FAAH2: variants seen among roughly 807,000 people sequenced by gnomAD.
FAAH2 encodes fatty acid amide hydrolase 2.
FAAH2 carries 60 observed loss-of-function variants against 36.9 expected under a neutral mutation model. The ratio of observed to expected loss-of-function variants is 1.63; its 90% CI spans 1.32 to 2.02. The LOEUF (loss-of-function observed/expected upper bound fraction) is 2.02. Ranked by LOEUF, FAAH2 falls within the 30% of genes most tolerant of loss-of-function variation. The probability of loss-of-function intolerance (pLI) is 0.00; values close to 1 mark genes in which losing one functional copy is unlikely to be tolerated. For synonymous variants in FAAH2, 214 were observed against 143.8 expected, an observed-to-expected ratio of 1.49 and a Z score of -3.49; for missense variants, 689 against 397.5, an observed-to-expected ratio of 1.73 and a Z score of -6.23.
chrX:57,162,656 C>G, the FAAH2 span, among the ~76,000 whole-genome samples: 2 of 112,164 alleles, frequency 1.8e-5, no homozygotes, highest in Admixed American at 9.4e-5. Context: ...ATCGCATCGG[C>G]TCCTGAGGCT....
At chrX:57,371,573 A>G (rs2054551753) in intron 5 of FAAH2, among the ~76,000 whole-genome samples, 2 of 106,991 alleles carry the variant, frequency 1.9e-5, no homozygotes, top group Non-Finnish European at 3.9e-5. Flanking sequence ...TAGGTAGAAC[A>G]ATATTTGGCT....
chrX:57,163,559 C>T, the FAAH2 span, among the ~76,000 whole-genome samples: 4 of 112,015 alleles, frequency 3.6e-5, no homozygotes, highest in East Asian at 5.6e-4. Flanking sequence ...GATATAATCT[C>T]GTGGTGCGCC....
chrX:57,375,171 C>A (rs1323185498), intron 5 of FAAH2, among the ~76,000 whole-genome samples: 1 of 108,918 alleles, frequency 9.2e-6, no homozygotes, highest in Non-Finnish European at 1.9e-5. Context: ...GGATATTGGT[C>A]TGTAGTTGTT....
chrX:57,124,981 T>C, the FAAH2 span, among the ~76,000 whole-genome samples: 1 of 112,398 alleles, frequency 8.9e-6, no homozygotes, highest in Non-Finnish European at 1.9e-5. Context: ...CTTTTCCTAA[T>C]TGAATACACT....
intron 2 of FAAH2, among the ~76,000 whole-genome samples, chrX:57,293,453 T>A (rs778309522): frequency 8.0e-5 from 9 of 112,039 alleles, no homozygotes; most frequent in Non-Finnish European, 1.7e-4. Context: ...CATTTGATCA[T>A]CTCAACAGCA....
the FAAH2 span, among the ~76,000 whole-genome samples, chrX:57,197,081 T>C: frequency 4.3e-4 from 48 of 111,976 alleles, no homozygotes; most frequent in South Asian, 0.018. Context: ...TTAATTTTTT[T>C]CTTTGTCTTT....
At chrX:57,448,064 A>T (rs2056715442) in intron 9 of FAAH2, among the ~76,000 whole-genome samples, 1 of 111,545 alleles carries the variant, frequency 9.0e-6, no homozygotes, top group South Asian at 3.8e-4. Flanking sequence ...ATCATGACTC[A>T]CTGCAGCATT....
chrX:57,148,362 A>G, the FAAH2 span, among the ~76,000 whole-genome samples: 1 of 111,508 alleles, frequency 9.0e-6, no homozygotes, highest in Admixed American at 9.5e-5. Flanking sequence ...CATTAAGGCC[A>G]TTTTCACGAT....
At chrX:57,481,162 A>G (rs1381526904) in intron 10 of FAAH2, among the ~76,000 whole-genome samples, 2 of 110,504 alleles carry the variant, frequency 1.8e-5, no homozygotes, top group African/African-American at 3.3e-5. Flanking sequence ...CAAGGTTTTT[A>G]GGTTCCTTGC....
Position 57,310,691 on chromosome X carries a change from G to T in FAAH2, c.374G>T (p.Gly125Val). The change falls in exon 3 of 11, where the codon GGG (glycine) becomes GTG (valine). Residue 125 changes from glycine to valine, a missense_variant. By Grantham distance (109) the Gly-to-Val change is moderately radical. Coordinates refer to ENST00000374900, the MANE Select transcript of FAAH2 (RefSeq NM_174912.4). ...CTGGAAAATAAATGGCCCTTCCTTG[G>T]GGTTCCTTTGACAGTCAAGGAAGCT... ...ATLENKWPFL[G>V]VPLTVKEAFQ... 8.3e-7 allele frequency: 1 copy of T among 1,208,668 alleles called. No individual in the cohort carries two copies. The highest frequency in any genetic ancestry group is 1.8e-5 in the South Asian group (1 of 56,224).
the FAAH2 span, among the ~76,000 whole-genome samples, chrX:57,208,556 C>A: frequency 1.8e-5 from 2 of 111,591 alleles, no homozygotes; most frequent in Non-Finnish European, 3.8e-5. Flanking sequence ...CTGGGACCAG[C>A]TCAGTCGTGG....
At chrX:57,307,317 A>G (rs2052570912) in intron 2 of FAAH2, among the ~76,000 whole-genome samples, 2 of 109,058 alleles carry the variant, frequency 1.8e-5, no homozygotes, top group African/African-American at 6.6e-5. Context: ...TAATTGCATA[A>G]TATCAACAAT....
chrX:57,480,870 C>A (rs776725942), intron 10 of FAAH2, among the ~76,000 whole-genome samples: 2 of 110,979 alleles, frequency 1.8e-5, no homozygotes, highest in African/African-American at 6.6e-5. Context: ...CCCTCAGGGA[C>A]CCCAGTCGAT....
chrX:57,210,385 G>A, the FAAH2 span, among the ~76,000 whole-genome samples: 2 of 112,030 alleles, frequency 1.8e-5, no homozygotes, highest in African/African-American at 3.2e-5. Context: ...CAAATGATTA[G>A]CAAGTCAATC....
chrX:57,247,883 G>T, the FAAH2 span, among the ~76,000 whole-genome samples: 2 of 112,264 alleles, frequency 1.8e-5, no homozygotes, highest in African/African-American at 6.5e-5. Flanking sequence ...GTAGATGAGA[G>T]ACCGAAGATA....
chrX:57,174,353 C>T, the FAAH2 span, among the ~76,000 whole-genome samples: 6 of 110,837 alleles, frequency 5.4e-5, no homozygotes, highest in Admixed American at 3.9e-4. Context: ...TTCAGTTCCT[C>T]TAGATTTTCT....
intron 4 of FAAH2, among the ~76,000 whole-genome samples, chrX:57,337,819 G>A (rs1394981064): frequency 1.8e-5 from 2 of 111,983 alleles, no homozygotes; most frequent in African/African-American, 6.5e-5. Context: ...GCAAAAGCTG[G>A]AAGCATTCTC....
At position 57,362,322 on chromosome X, in the gene FAAH2, G is replaced by A. The variant is rs909795412; in HGVS notation, c.743-16329G>A. On this transcript the variant is annotated intron_variant, in intron 5 of 10. Transcript: ENST00000374900. The stretch of plus-strand genomic sequence containing the variant: ...AGCAATGAGAACACACGGACACAGG[G>A]AGAGGAACATCACACACTGGGGCCT... Among the ~76,000 whole-genome samples the A allele has an allele frequency of 5.4e-5, 6 of 110,527 alleles. No individual in the cohort carries two copies. In the East Asian group the frequency reaches 1.1e-3, roughly 21 times the overall value.
At chrX:57,381,405 C>A in intron 7 of FAAH2, 1 of 203,512 alleles carries the variant, frequency 4.9e-6, no homozygotes, top group Non-Finnish European at 7.4e-6. Flanking sequence ...TTTTAAAATA[C>A]TTTTATAATC....
Sources: allele counts gnomAD v4.1 joint callset (sites outside exome capture counted in the v4.1 genomes callset), GRCh38; gene constraint gnomAD v4.1.1; transcripts MANE v1.5; gene names NCBI Gene and HGNC (gene_info 2026-07-23, HGNC 2026-07-21).